The following YIPF5 variants were observed in gnomAD, a reference collection of about 807,000 sequenced individuals.
YIPF5 encodes the protein protein YIPF5.
A neutral mutation model predicts 30.4 loss-of-function variants in YIPF5; 8 were observed. That is an observed-to-expected ratio of 0.26 (90% CI 0.15 to 0.47). The LOEUF (loss-of-function observed/expected upper bound fraction) is 0.47. Ranked by LOEUF, YIPF5 falls within the 20% of genes least tolerant of loss-of-function variation. YIPF5 has a pLI of 0.99. For synonymous variants in YIPF5, 104 were observed against 107.9 expected, an observed-to-expected ratio of 0.96 and a Z score of 0.23; for missense variants, 282 against 301.8, an observed-to-expected ratio of 0.93 and a Z score of 0.49.
At chr5:144,165,281 T>C (rs1002343305) in intron 3 of YIPF5, 151 bp downstream of exon 3, 30 of 1,016,004 alleles carry the variant, frequency 3.0e-5, no homozygotes, top group African/African-American at 4.9e-5. Context: ...TGGTTTCGCA[T>C]ATACTCTGTT....
rs1016048241 is a variant in YIPF5, at chr5:144,169,938, G to A, written c.18C>T (p.Asn6=). 3 of 1,614,174 alleles carry A rather than the reference G, an allele frequency of 1.9e-6. No individual in the cohort carries two copies. The highest frequency in any genetic ancestry group is 2.5e-6 in the Non-Finnish European group (3 of 1,180,004). ...TTGTCTGGTAGAAATCCGTGTTTAA[G>A]TTTTCAAAGCCTGACATTGCAAATA... MSGFE[N]LNTDFYQTSY... Residue 6 remains asparagine (N), a synonymous_variant, in exon 2 of 6, where the codon AAC becomes AAT. Transcript: ENST00000274496.
Position 144,159,598 on chromosome 5 carries a change from C to G in YIPF5, c.*799G>C, listed in dbSNP as rs1026828644. The G allele has an allele frequency of 3.2e-5, 32 of 985,132 alleles. No homozygotes were observed. In the South Asian group the frequency reaches 1.4e-3, roughly 43 times the overall value. The allele number at this position is 985,132 out of a possible 1,614,324, so 61.0% of individuals were successfully genotyped here. On this transcript the variant is annotated 3_prime_UTR_variant, in exon 6 of 6. Coordinates refer to ENST00000274496, the MANE Select transcript of YIPF5 (RefSeq NM_030799.9). The stretch of plus-strand genomic sequence containing the variant: ...AATTTTTGGAGTGCAAACTCATACT[C>G]TACATTTGGATCACTTTTTTGCTTT...
chr5:144,161,010 G>T (rs947656052), intron 5 of YIPF5, among the ~76,000 whole-genome samples: 7 of 152,074 alleles, frequency 4.6e-5, no homozygotes, highest in African/African-American at 1.2e-4. Flanking sequence ...AAGGGTTTTA[G>T]TAGAAAATAA....
intron 2 of YIPF5, 75 bp downstream of exon 2, chr5:144,169,771 G>T: frequency 8.0e-7 from 1 of 1,255,502 alleles, no homozygotes. Context: ...TATTGTTTTA[G>T]GCAGAACCAA....
At position 144,159,531 on chromosome 5, in the gene YIPF5, A is replaced by G. The variant is rs1464351394; in HGVS notation, c.*866T>C. The G allele has an allele frequency of 1.0e-6, 1 of 985,200 alleles. No homozygotes were observed. Among genetic ancestry groups the G allele is most frequent in the Non-Finnish European group, 1.2e-6 (1 of 829,928 alleles). 61.0% of individuals were successfully genotyped at this position (985,200 alleles called of 1,614,324 possible). ...AGATTGTGAACTTCCCGTATCTCTGAATTTTAGCAAAAATTCCATGAGATA... is the reference window on the plus strand; with the variant it reads ...AGATTGTGAACTTCCCGTATCTCTGGATTTTAGCAAAAATTCCATGAGATA... On this transcript the variant is annotated 3_prime_UTR_variant, in exon 6 of 6. Transcript: ENST00000274496.
rs902065117 is a variant in YIPF5, at chr5:144,159,855, C to T, written c.*542G>A. On this transcript the variant is annotated 3_prime_UTR_variant, in exon 6 of 6. Coordinates refer to ENST00000274496, the MANE Select transcript of YIPF5 (RefSeq NM_030799.9). The stretch of plus-strand genomic sequence containing the variant: ...CTGAGTAGCTGGGACTACAGGCGCC[C>T]GCCACCACGCCCAGCTAATTTTTTT... 22 of 548,512 alleles carry T rather than the reference C, an allele frequency of 4.0e-5. No individual in the cohort carries two copies. In the East Asian group the frequency reaches 6.1e-4, roughly 15 times the overall value. 34.0% of individuals were successfully genotyped at this position (548,512 alleles called of 1,614,324 possible).
chr5:144,165,135 A>T (rs1752166018), intron 3 of YIPF5, among the ~76,000 whole-genome samples: 1 of 152,182 alleles, frequency 6.6e-6, no homozygotes, highest in Admixed American at 6.5e-5. Flanking sequence ...AATGGATAGC[A>T]CACTTTTTCT....
chr5:144,162,986 T>G (rs1752091290), intron 4 of YIPF5, among the ~76,000 whole-genome samples: 1 of 152,294 alleles, frequency 6.6e-6, no homozygotes, highest in South Asian at 2.1e-4. Flanking sequence ...GAAGATATTT[T>G]TTTCTTTATT....
chr5:144,159,372 A>G lies in YIPF5; in HGVS notation c.*1025T>C. On this transcript the variant is annotated 3_prime_UTR_variant, in exon 6 of 6. Transcript: ENST00000274496. ...TTAAATATTTTCCTTAAAAAAGGTTAGTGATTTTTTTATTATTTTTGGGAA... is the reference window on the plus strand; with the variant it reads ...TTAAATATTTTCCTTAAAAAAGGTTGGTGATTTTTTTATTATTTTTGGGAA... 1.0e-6 allele frequency: 1 copy of G among 984,454 alleles called. No individual in the cohort carries two copies. Among genetic ancestry groups the G allele is most frequent in the Non-Finnish European group, 1.2e-6 (1 of 829,068 alleles). 61.0% of individuals were successfully genotyped at this position (984,454 alleles called of 1,614,324 possible).
chr5:144,168,342 A>G (rs1394076892), intron 2 of YIPF5, among the ~76,000 whole-genome samples: 1 of 152,196 alleles, frequency 6.6e-6, no homozygotes, highest in Non-Finnish European at 1.5e-5. Flanking sequence ...CGTAGGCTGC[A>G]ATCTAAATGG....
At chr5:144,162,431 C>A in intron 4 of YIPF5, 32 bp from the exon 5 acceptor site, 1 of 1,567,002 alleles carries the variant, frequency 6.4e-7, no homozygotes, top group South Asian at 1.2e-5. Context: ...GGTTAAAGGG[C>A]AAAAAATAAG....
chr5:144,170,018 T>C (rs1752324823), intron 1 of YIPF5, 53 bp from the exon 2 acceptor site: 7 of 1,458,852 alleles, frequency 4.8e-6, no homozygotes, highest in Admixed American at 1.7e-5. Context: ...TTCTACTGAA[T>C]TCGTTCCTGG....
chr5:144,165,114 CCA>C (rs1449587951), intron 3 of YIPF5, among the ~76,000 whole-genome samples: 3 of 152,264 alleles, frequency 2.0e-5, no homozygotes, highest in African/African-American at 7.2e-5. Context: ...CAGTTTATTT[CCA>C]CACAGAATAA....
chr5:144,158,601 GA>G lies in YIPF5; in HGVS notation c.*1795del. Reference sequence around the variant, plus strand: ...CATTTGCCTTAACAAAAACTATACTGAAAAAGACAAATGAATTGAAAAAGAC... The same window carrying G: ...CATTTGCCTTAACAAAAACTATACTGAAAAGACAAATGAATTGAAAAAGAC... On this transcript the variant is annotated 3_prime_UTR_variant, in exon 6 of 6. Coordinates refer to ENST00000274496, the MANE Select transcript of YIPF5 (RefSeq NM_030799.9). 3.7e-6 allele frequency: 4 copies of G among 1,077,034 alleles called. No homozygotes were observed. The highest frequency in any genetic ancestry group is 4.5e-6 in the Non-Finnish European group (4 of 886,202). The allele number at this position is 1,077,034 out of a possible 1,614,324, so 66.7% of individuals were successfully genotyped here. A position where few individuals can be genotyped will look rare whatever the true frequency, so the allele number is the denominator to read the frequency against.
intron 2 of YIPF5, 117 bp downstream of exon 2, chr5:144,169,729 A>G (rs1448390749): frequency 1.2e-6 from 1 of 823,626 alleles, no homozygotes; most frequent in Non-Finnish European, 1.9e-6. Flanking sequence ...TATGCATGAA[A>G]GATCATACTC....
rs139459678 is a variant in YIPF5, at chr5:144,160,553, C to T, written c.618G>A (p.Met206Ile). ...TCCCAGCAGTGAGAATGATTCCTAC[C>T]ATTCCTCTGTAAACAACAAGGAAAA... ...SFAVIFSLQG[M>I]VGIILTAGII... Residue 206 changes from methionine to isoleucine, a missense_variant, in exon 6 of 6, where the codon ATG becomes ATA. Coordinates refer to ENST00000274496, the MANE Select transcript of YIPF5 (RefSeq NM_030799.9). 3.7e-6 allele frequency: 6 copies of T among 1,611,646 alleles called. No individual in the cohort carries two copies. The highest frequency in any genetic ancestry group is 1.7e-5 in the Admixed American group (1 of 59,764).
In YIPF5 at chr5:144,159,387, A is replaced by G. The variant is rs1751962243; in HGVS notation, c.*1010T>C. ...AAAAAAGGTTAGTGATTTTTTTATTATTTTTGGGAAATGTGGCGATCCAAC... is the reference window on the plus strand; with the variant it reads ...AAAAAAGGTTAGTGATTTTTTTATTGTTTTTGGGAAATGTGGCGATCCAAC... On this transcript the variant is annotated 3_prime_UTR_variant, in exon 6 of 6. Coordinates refer to ENST00000274496, the MANE Select transcript of YIPF5 (RefSeq NM_030799.9). The G allele has an allele frequency of 1.0e-6, 1 of 985,158 alleles. No homozygotes were observed. Among genetic ancestry groups the G allele is most frequent in the African/African-American group, 1.7e-5 (1 of 57,226 alleles). 61.0% of individuals were successfully genotyped at this position (985,158 alleles called of 1,614,324 possible).
intron 2 of YIPF5, 114 bp from the exon 3 acceptor site, chr5:144,165,718 C>T (rs1405750208): frequency 2.7e-6 from 3 of 1,118,202 alleles, no homozygotes; most frequent in Non-Finnish European, 3.7e-6. Flanking sequence ...TGTGAAATTC[C>T]TCAGGTACAA....
Position 144,158,916 on chromosome 5 carries a change from A to T in YIPF5, c.*1481T>A. 1 of 797,282 alleles carries T rather than the reference A, an allele frequency of 1.3e-6. No individual in the cohort carries two copies. Among genetic ancestry groups the T allele is most frequent in the Non-Finnish European group, 1.5e-6 (1 of 658,988 alleles). 49.4% of individuals were successfully genotyped at this position (797,282 alleles called of 1,614,324 possible). ...TCTATTTAGTCTGAAAATCTCTTTA[A>T]AAAAAAAAAAAAGGCAGTATTTTCC... On this transcript the variant is annotated 3_prime_UTR_variant, in exon 6 of 6. Transcript: ENST00000274496.
Sources: allele counts gnomAD v4.1 joint callset (sites outside exome capture counted in the v4.1 genomes callset), GRCh38; gene constraint gnomAD v4.1.1; transcripts MANE v1.5; gene names NCBI Gene and HGNC (gene_info 2026-07-23, HGNC 2026-07-21).